KALRN: variants seen among roughly 807,000 people sequenced by gnomAD.
KALRN encodes kalirin.
KALRN carries 70 observed loss-of-function variants against 353.7 expected under a neutral mutation model. The ratio of observed to expected loss-of-function variants is 0.20; its 90% CI spans 0.16 to 0.24. The LOEUF is 0.24. Ranked by LOEUF, KALRN falls within the 10% of genes least tolerant of loss-of-function variation. KALRN has a pLI of 1.00. For synonymous variants in KALRN, 1,391 were observed against 1,434.8 expected, an observed-to-expected ratio of 0.97 and a Z score of 0.69; for missense variants, 2,791 against 3,756.7, an observed-to-expected ratio of 0.74 and a Z score of 6.72.
Position 124,725,453 on chromosome 3 carries a change from G to T in KALRN, c.*5983G>T, listed in dbSNP as rs2063407726. ...GTAGTGATCAAAGTGCAAACTGTTG[G>T]AAAATATGGATATATGTACATCTGT... On this transcript the variant is annotated 3_prime_UTR_variant, in exon 60 of 60. Transcript: ENST00000682506. 2 of 152,154 alleles carry T rather than the reference G, an allele frequency of 1.3e-5. No individual in the cohort carries two copies. Among genetic ancestry groups the T allele is most frequent in the Non-Finnish European group, 2.9e-5 (2 of 68,026 alleles). The allele number at this position is 152,154 out of a possible 1,614,324, so 9.4% of individuals were successfully genotyped here. A position where few individuals can be genotyped will look rare whatever the true frequency, so the allele number is the denominator to read the frequency against.
intron 14 of KALRN, among the ~76,000 whole-genome samples, chr3:124,414,850 T>C (rs2092407622): frequency 6.6e-6 from 1 of 152,192 alleles, no homozygotes; most frequent in Admixed American, 6.5e-5. Flanking sequence ...TAAAACGCAG[T>C]TGGGCCATGT....
At chr3:124,478,709 C>T (rs571695079) in intron 27 of KALRN, among the ~76,000 whole-genome samples, 17 of 152,204 alleles carry the variant, frequency 1.1e-4, no homozygotes, top group Non-Finnish European at 2.4e-4. Context: ...CCTTAGGATG[C>T]TTCTGTTGAT....
intron 23 of KALRN, among the ~76,000 whole-genome samples, chr3:124,458,530 A>G (rs547176431): frequency 1.3e-5 from 2 of 152,290 alleles, no homozygotes; most frequent in African/African-American, 4.8e-5. Flanking sequence ...TCTTAAGCAT[A>G]TGTCCCTAGC....
At position 124,721,458 on chromosome 3, in the gene KALRN, T is replaced by C. The variant is rs1255413893; in HGVS notation, c.*1988T>C. 1 of 152,196 alleles carries C rather than the reference T, an allele frequency of 6.6e-6. No individual in the cohort carries two copies. Among genetic ancestry groups the C allele is most frequent in the Non-Finnish European group, 1.5e-5 (1 of 68,028 alleles). 9.4% of individuals were successfully genotyped at this position (152,196 alleles called of 1,614,324 possible). A position where few individuals can be genotyped will look rare whatever the true frequency, so the allele number is the denominator to read the frequency against. ...TTATGTATTTACAAACACTCTATGA[T>C]ACAATACATAAAAATTTAAAACATA... On this transcript the variant is annotated 3_prime_UTR_variant, in exon 60 of 60. Transcript: ENST00000682506.
intron 28 of KALRN, among the ~76,000 whole-genome samples, chr3:124,487,232 A>G (rs866057639): frequency 7.2e-5 from 11 of 152,330 alleles, no homozygotes; most frequent in Middle Eastern, 6.8e-3. Flanking sequence ...TTGGGCAAAA[A>G]TCATTCCAAG....
chr3:124,072,942 G>T (rs1225850194), intron 1 of KALRN, among the ~76,000 whole-genome samples: 2 of 152,216 alleles, frequency 1.3e-5, no homozygotes, highest in African/African-American at 4.8e-5. Context: ...CACTGTTCTT[G>T]CTAGTCCATC....
chr3:124,584,032 A>T (rs2074872778), intron 34 of KALRN, among the ~76,000 whole-genome samples: 1 of 152,146 alleles, frequency 6.6e-6, no homozygotes, highest in Non-Finnish European at 1.5e-5. Flanking sequence ...GAAAATCTAC[A>T]ACCGTGGAAT....
chr3:124,494,589 T>C (rs1373832853), intron 32 of KALRN, among the ~76,000 whole-genome samples: 3 of 152,254 alleles, frequency 2.0e-5, no homozygotes. Context: ...GTGGCTTATG[T>C]TATTAAAATA....
intron 33 of KALRN, among the ~76,000 whole-genome samples, chr3:124,546,864 A>G (rs1005362579): frequency 6.6e-6 from 1 of 152,174 alleles, no homozygotes; most frequent in African/African-American, 2.4e-5. Flanking sequence ...CCTGGCCCAT[A>G]TATGCTGGGG....
At chr3:124,349,171 G>A (rs1018536130) in intron 10 of KALRN, among the ~76,000 whole-genome samples, 3 of 152,262 alleles carry the variant, frequency 2.0e-5, no homozygotes, top group South Asian at 2.1e-4. Context: ...TCTAACATAC[G>A]CTACAACATG....
intron 34 of KALRN, among the ~76,000 whole-genome samples, chr3:124,572,763 A>G (rs1405600147): frequency 6.6e-6 from 1 of 152,220 alleles, no homozygotes. Context: ...AGTAGACTAT[A>G]AAAACATGGT....
At chr3:124,612,323 C>T (rs1578339656) in intron 34 of KALRN, among the ~76,000 whole-genome samples, 1 of 152,356 alleles carries the variant, frequency 6.6e-6, no homozygotes, top group East Asian at 1.9e-4. Flanking sequence ...CCTGCCTCAG[C>T]CTCCCAAGTA....
chr3:124,458,293 A>AAAG, intron 23 of KALRN, among the ~76,000 whole-genome samples: 1 of 150,656 alleles, frequency 6.6e-6, no homozygotes, highest in Admixed American at 6.7e-5. Context: ...AAAAAAAAAA[A>AAAG]AAAGAGAATG....
chr3:124,456,469 G>A (rs1040266208), intron 22 of KALRN, 141 bp from the exon 23 acceptor site: 20 of 520,200 alleles, frequency 3.8e-5, no homozygotes, highest in Non-Finnish European at 6.1e-5. Flanking sequence ...GAGTGCTTAT[G>A]GGTATGAGTC....
At chr3:124,378,826 T>A (rs915643765) in intron 10 of KALRN, among the ~76,000 whole-genome samples, 4 of 152,028 alleles carry the variant, frequency 2.6e-5, no homozygotes, top group Admixed American at 2.0e-4. Context: ...TTTTTTCCTC[T>A]GTCTACTTTA....
chr3:124,584,906 G>A (rs2074990423), intron 34 of KALRN: 3 of 1,600,344 alleles, frequency 1.9e-6, no homozygotes, highest in Middle Eastern at 1.7e-4. Flanking sequence ...CCCGTGTAGA[G>A]GTGAGTGGCT....
In KALRN at chr3:124,456,642, A is replaced by C; in HGVS notation, c.3768A>C (p.Pro1256=). Residue 1256 remains proline (P), a synonymous_variant, in exon 23 of 60, where the codon CCA becomes CCC. Coordinates refer to ENST00000682506, the MANE Select transcript of KALRN (RefSeq NM_001388419.1). ...AGGACCTGGAGCTGGATATTATCCCAGCAAGCCTTTCGGATCGGGAGGTCA... is the reference window on the plus strand; with the variant it reads ...AGGACCTGGAGCTGGATATTATCCCCGCAAGCCTTTCGGATCGGGAGGTCA... ...DNKDLELDII[P]ASLSDREVKL... 2 of 1,613,228 alleles carry C rather than the reference A, an allele frequency of 1.2e-6. No homozygotes were observed. The highest frequency in any genetic ancestry group is 1.7e-6 in the Non-Finnish European group (2 of 1,179,410).
chr3:124,632,089 C>T (rs1267333006), intron 34 of KALRN, among the ~76,000 whole-genome samples: 2 of 152,222 alleles, frequency 1.3e-5, no homozygotes, highest in African/African-American at 4.8e-5. Flanking sequence ...GCACTTCTCA[C>T]CACCTGTCAT....
chr3:124,213,581 G>A (rs186800397), intron 1 of KALRN, among the ~76,000 whole-genome samples: 1 of 151,948 alleles, frequency 6.6e-6, no homozygotes, highest in Admixed American at 6.6e-5. Context: ...TGGCACATAG[G>A]GGGTACTAAG....
Sources: gnomAD v4.1 joint callset for allele counts (sites outside exome capture counted in the v4.1 genomes callset) on GRCh38, gnomAD v4.1.1 for gene constraint, MANE v1.5 for transcripts, NCBI Gene and HGNC (gene_info 2026-07-23, HGNC 2026-07-21) for gene names.